The following LTBP1 variants were observed in gnomAD, a reference collection of about 807,000 sequenced individuals.
LTBP1 encodes latent transforming growth factor beta binding protein 1, also known as latent-transforming growth factor beta-binding protein 1.
Under a neutral mutation model 207.6 loss-of-function variants are expected in LTBP1, and 129 were observed. The observed-to-expected ratio is 0.62, with a 90% CI of 0.54 to 0.72. The LOEUF is 0.72. Ranked by LOEUF, LTBP1 falls within the 30% of genes least tolerant of loss-of-function variation. LTBP1 has a pLI of 0.00. For synonymous variants in LTBP1, 963 were observed against 833.7 expected, an observed-to-expected ratio of 1.16 and a Z score of -2.67; for missense variants, 2,281 against 2,217.2, an observed-to-expected ratio of 1.03 and a Z score of -0.58.
At chr2:33,172,009 A>G (rs1050319803) in intron 5 of LTBP1, among the ~76,000 whole-genome samples, 2 of 152,246 alleles carry the variant, frequency 1.3e-5, no homozygotes, top group African/African-American at 2.4e-5. Context: ...TGAAGGAAGC[A>G]CTAAACATGG....
rs1349801306 is a variant in LTBP1 at position 33,342,886 on chromosome 2, G to C, written c.3779G>C (p.Cys1260Ser). ...ACTGTTTGTGACAGTCACGGGTTTT[G>C]TGACAATACAGCTGGCTCCTTCCGC... Reference protein sequence around the residue: ...NNTVCDSHGFCDNTAGSFRCL... With the variant: ...NNTVCDSHGFSDNTAGSFRCL... Residue 1260 changes from cysteine to serine, a missense_variant, in exon 25 of 34, where the codon TGT becomes TCT. By Grantham distance (112) the Cys-to-Ser change is moderately radical. Transcript: ENST00000404816. 2 of 1,614,148 alleles carry C rather than the reference G, an allele frequency of 1.2e-6. No homozygotes were observed. Among genetic ancestry groups the C allele is most frequent in the Admixed American group, 3.3e-5 (2 of 60,032 alleles).
At chr2:33,358,078 A>G (rs1028763740) in intron 26 of LTBP1, among the ~76,000 whole-genome samples, 8 of 152,184 alleles carry the variant, frequency 5.3e-5, no homozygotes, top group African/African-American at 1.7e-4. Context: ...CTTTTCCCAG[A>G]ATGACCTTTG....
Position 33,262,797 on chromosome 2 carries a change from A to G in LTBP1, c.2494A>G (p.Ile832Val), listed in dbSNP as rs767189512. 1.8e-5 allele frequency: 29 copies of G among 1,606,562 alleles called. No homozygotes were observed. Among genetic ancestry groups the G allele is most frequent in the Non-Finnish European group, 2.3e-5 (27 of 1,175,416 alleles). Residue 832 changes from isoleucine to valine, a missense_variant, in exon 14 of 34, where the codon ATT becomes GTT. By Grantham distance (29) the Ile-to-Val change is conservative. Coordinates refer to ENST00000404816, the MANE Select transcript of LTBP1 (RefSeq NM_206943.4). ...QPQLSPGIST[I>V]HLHPQFPVVI... ...CCAGCTGTCTCCAGGCATTTCCACT[A>G]TTCATCTGCATCCACAGTTTCCAGG...
Position 33,300,527 on chromosome 2 carries a change from C to T in LTBP1, c.3312C>T (p.Thr1104=). 6.2e-7 allele frequency: 1 copy of T among 1,613,734 alleles called. No homozygotes were observed. Among genetic ancestry groups the T allele is most frequent in the Non-Finnish European group, 8.5e-7 (1 of 1,179,754 alleles). Residue 1104 remains threonine (T), a synonymous_variant, in exon 21 of 34, where the codon ACC becomes ACT. Coordinates refer to ENST00000404816, the MANE Select transcript of LTBP1 (RefSeq NM_206943.4). ...ATACCGAGGGCTCCTTCAGGTGCAC[C>T]TGTGGACAGGGGTACCAGCTGTCGG... ...CKNTEGSFRC[T]CGQGYQLSAA...
intron 19 of LTBP1, 78 bp from the exon 20 acceptor site, chr2:33,293,082 T>A (rs1459022517): frequency 4.6e-5 from 68 of 1,476,982 alleles, no homozygotes; most frequent in Non-Finnish European, 6.1e-5. Context: ...ACTGTTTCCA[T>A]TTCTAACCAA....
chr2:33,009,836 T>C (rs966482251), intron 2 of LTBP1, among the ~76,000 whole-genome samples: 1 of 152,262 alleles, frequency 6.6e-6, no homozygotes, highest in East Asian at 1.9e-4. Context: ...ACAGAAGACA[T>C]GCTAAGTTTG....
chr2:33,361,508 C>A lies in LTBP1; in HGVS notation c.4263C>A (p.Asn1421Lys). 1.2e-6 allele frequency: 2 copies of A among 1,611,000 alleles called. No individual in the cohort carries two copies. Among genetic ancestry groups the A allele is most frequent in the Non-Finnish European group, 1.7e-6 (2 of 1,178,478 alleles). ...CATCTTCTGAAGCTGGTGGTGAGAACTATAAAGGTCAGAATCAAGTGGAAA... is the reference window on the plus strand; with the variant it reads ...CATCTTCTGAAGCTGGTGGTGAGAAATATAAAGGTCAGAATCAAGTGGAAA... Reference protein sequence around the residue: ...GESSSEAGGENYKDADECLLF... With the variant: ...GESSSEAGGEKYKDADECLLF... Residue 1421 changes from asparagine (N) to lysine (K), a missense_variant, in exon 28 of 34, where the codon AAC (asparagine) becomes AAA (lysine). Coordinates refer to ENST00000404816, the MANE Select transcript of LTBP1 (RefSeq NM_206943.4).
chr2:33,266,399 A>AGGTTCCTG (rs1384086379), intron 15 of LTBP1, among the ~76,000 whole-genome samples: 1 of 152,170 alleles, frequency 6.6e-6, no homozygotes, highest in African/African-American at 2.4e-5. Context: ...GGAGGCAGAC[A>AGGTTCCTG]GGTTCCTGGG....
chr2:32,991,668 C>T (rs1445420278), intron 2 of LTBP1, among the ~76,000 whole-genome samples: 1 of 152,162 alleles, frequency 6.6e-6, no homozygotes, highest in Non-Finnish European at 1.5e-5. Flanking sequence ...TAGCCATCTT[C>T]AGTGGGCGTC....
At chr2:33,087,084 CTTTT>C (rs35334788) in intron 3 of LTBP1, among the ~76,000 whole-genome samples, 1 of 89,026 alleles carries the variant, frequency 1.1e-5, no homozygotes, top group African/African-American at 5.3e-5. Context: ...CTCCTTTATG[CTTTT>C]TTTTTTTTTT....
At chr2:33,155,023 A>G (rs1448655124) in intron 5 of LTBP1, among the ~76,000 whole-genome samples, 1 of 152,168 alleles carries the variant, frequency 6.6e-6, no homozygotes, top group African/African-American at 2.4e-5. Context: ...AGATCATGCC[A>G]TTGCATTCCA....
chr2:33,157,520 G>A (rs1182927059), intron 5 of LTBP1, among the ~76,000 whole-genome samples: 2 of 152,194 alleles, frequency 1.3e-5, no homozygotes, highest in African/African-American at 4.8e-5. Flanking sequence ...AGAAAATTGA[G>A]ACCCAGACAG....
In LTBP1 at chr2:33,366,696, G is replaced by A. The variant is rs372707610; in HGVS notation, c.4711+1193G>A. ...TACAGCTCATTTGTAAAACGGAGGC[G>A]TCTACATCTGTCCTGTTGGGTTGTT... is the stretch of plus-strand genomic sequence containing the variant. On this transcript the variant is annotated intron_variant, in intron 31 of 33. Transcript: ENST00000404816. 3.7e-4 allele frequency among the ~76,000 whole-genome samples: 57 copies of A among 152,314 alleles called. No individual in the cohort carries two copies. In the South Asian group the frequency reaches 0.01, roughly 27 times the overall value.
intron 2 of LTBP1, among the ~76,000 whole-genome samples, chr2:32,968,230 T>C (rs1222449380): frequency 6.6e-6 from 1 of 152,232 alleles, no homozygotes; most frequent in African/African-American, 2.4e-5. Flanking sequence ...CCTCCCAAAG[T>C]GTAAGGATTA....
chr2:33,031,186 ACT>A lies in LTBP1; in HGVS notation c.863+9982_863+9983del, dbSNP rs879516277. Among the ~76,000 whole-genome samples the A allele has an allele frequency of 2.2e-3, 329 of 152,310 alleles. 5 individuals are homozygous for A. Among genetic ancestry groups the A allele is most frequent in the Admixed American group, 0.019 (295 of 15,302 alleles). On this transcript the variant is annotated intron_variant, in intron 3 of 33. Coordinates refer to ENST00000404816, the MANE Select transcript of LTBP1 (RefSeq NM_206943.4). ...CATGAGGACAAGAATACAATCTGTT[ACT>A]CATTGACTGGGTAATTTATTTCAGA... is the stretch of plus-strand genomic sequence containing the variant.
chr2:33,200,672 C>G (rs1013981931), intron 7 of LTBP1, among the ~76,000 whole-genome samples: 2 of 152,088 alleles, frequency 1.3e-5, no homozygotes, highest in Admixed American at 1.3e-4. Context: ...AAGAAGCTAC[C>G]ATCAGAGTGA....
intron 3 of LTBP1, among the ~76,000 whole-genome samples, chr2:33,106,981 C>G (rs971166782): frequency 6.6e-6 from 1 of 152,194 alleles, no homozygotes; most frequent in African/African-American, 2.4e-5. Context: ...TTAAGTATTC[C>G]GAACCTTTGT....
intron 26 of LTBP1, among the ~76,000 whole-genome samples, chr2:33,358,939 G>T (rs1251584435): frequency 6.6e-6 from 1 of 152,196 alleles, no homozygotes; most frequent in Admixed American, 6.6e-5. Flanking sequence ...AGTACGCAAA[G>T]TGAATTTCAG....
intron 3 of LTBP1, chr2:33,056,261 A>G: frequency 2.0e-6 from 1 of 488,830 alleles, no homozygotes; most frequent in Non-Finnish European, 3.5e-6. Flanking sequence ...TTCAAGGGTG[A>G]GCCTGTGATG....
Sources: allele counts gnomAD v4.1 joint callset (sites outside exome capture counted in the v4.1 genomes callset), GRCh38; gene constraint gnomAD v4.1.1; transcripts MANE v1.5; gene names NCBI Gene and HGNC (gene_info 2026-07-23, HGNC 2026-07-21).